FAM222B: variants seen among roughly 807,000 people sequenced by gnomAD.
FAM222B encodes the protein family with sequence similarity 222 member B.
A neutral mutation model predicts 38.0 loss-of-function variants in FAM222B; 12 were observed. The observed-to-expected ratio is 0.32, with a 90% confidence interval of 0.20 to 0.51. The LOEUF (loss-of-function observed/expected upper bound fraction) is 0.51. FAM222B is among the 20% of genes least tolerant of loss of function. FAM222B has a pLI of 0.97. For synonymous variants in FAM222B, 329 were observed against 317.2 expected, an observed-to-expected ratio of 1.04 and a Z score of -0.40; for missense variants, 716 against 754.2, an observed-to-expected ratio of 0.95 and a Z score of 0.59.
At chr17:28,811,616 G>A (rs145030680) in intron 1 of FAM222B, among the ~76,000 whole-genome samples, 2 of 152,286 alleles carry the variant, frequency 1.3e-5, no homozygotes, top group East Asian at 1.9e-4. Context: ...CAACAGCAAG[G>A]TAAGTTTGCC....
intron 1 of FAM222B, among the ~76,000 whole-genome samples, chr17:28,830,503 G>A (rs553798744): frequency 1.1e-4 from 16 of 152,090 alleles, no homozygotes; most frequent in African/African-American, 3.9e-4. Flanking sequence ...CATAATTGGC[G>A]AACATTTCTC....
At chr17:28,810,443 TTTATATACTA>T (rs2037702835) in intron 1 of FAM222B, among the ~76,000 whole-genome samples, 1 of 27,262 alleles carries the variant, frequency 3.7e-5, no homozygotes, top group Non-Finnish European at 6.8e-5. Flanking sequence ...CTAACTCTGT[TTTATATACTA>T]GCTAACTTTG....
At chr17:28,836,023 G>C (rs1358669926) in intron 1 of FAM222B, among the ~76,000 whole-genome samples, 1 of 150,548 alleles carries the variant, frequency 6.6e-6, no homozygotes, top group African/African-American at 2.4e-5. Context: ...TCTCCCTCTT[G>C]TTGTTGCCCG....
chr17:28,817,693 T>C (rs1366331056), intron 1 of FAM222B, among the ~76,000 whole-genome samples: 1 of 152,064 alleles, frequency 6.6e-6, no homozygotes, highest in Non-Finnish European at 1.5e-5. Context: ...CACTCCAGCT[T>C]GGGCAACAAG....
chr17:28,779,473 C>T (rs183746281), intron 1 of FAM222B, among the ~76,000 whole-genome samples: 13 of 152,140 alleles, frequency 8.5e-5, no homozygotes, highest in African/African-American at 3.1e-4. Context: ...TCTGACAGGC[C>T]GGGCGCGGTG....
intron 1 of FAM222B, among the ~76,000 whole-genome samples, chr17:28,773,479 CAAAAAAAAA>C (rs66716142): frequency 4.9e-5 from 3 of 60,788 alleles, no homozygotes; most frequent in African/African-American, 1.4e-4. Context: ...AACTCTGTCT[CAAAAAAAAA>C]AAAAAAAAAA....
chr17:28,817,277 G>T (rs1458740242), intron 1 of FAM222B, among the ~76,000 whole-genome samples: 1 of 151,800 alleles, frequency 6.6e-6, no homozygotes, highest in Non-Finnish European at 1.5e-5. Context: ...GCCGGGCGTG[G>T]TGGCACATGC....
At chr17:28,837,672 G>C (rs779088366) in intron 1 of FAM222B, among the ~76,000 whole-genome samples, 1 of 148,836 alleles carries the variant, frequency 6.7e-6, no homozygotes, top group African/African-American at 2.5e-5. Context: ...TTTTTGAGAC[G>C]GAGTCTCGCT....
chr17:28,790,884 C>CTTTTTTTTTTTTTTT (rs60664262), intron 1 of FAM222B, among the ~76,000 whole-genome samples: 7 of 86,092 alleles, frequency 8.1e-5, no homozygotes, highest in Non-Finnish European at 1.5e-4. Context: ...AATTGTTTCA[C>CTTTTTTTTTTTTTTT]TTTTTTTTTT....
chr17:28,845,873 T>C (rs1321473832), upstream of FAM222B, among the ~76,000 whole-genome samples: 4 of 145,726 alleles, frequency 2.7e-5, no homozygotes, highest in South Asian at 2.2e-4. Context: ...CCAGCCTGGG[T>C]GACAGAGCAA....
intron 1 of FAM222B, among the ~76,000 whole-genome samples, chr17:28,773,107 T>C (rs367816991): frequency 6.6e-6 from 1 of 152,128 alleles, no homozygotes; most frequent in Non-Finnish European, 1.5e-5. Context: ...AAGTCTAGAA[T>C]ACTCTAGAGC....
At chr17:28,794,314 G>GT (rs2036840093) in intron 1 of FAM222B, among the ~76,000 whole-genome samples, 1 of 151,770 alleles carries the variant, frequency 6.6e-6, no homozygotes, top group Non-Finnish European at 1.5e-5. Flanking sequence ...CATCTCCCGG[G>GT]TTCAAGCAAT....
At chr17:28,764,447 T>TAATAA (rs968892959) in intron 2 of FAM222B, among the ~76,000 whole-genome samples, 2 of 145,080 alleles carry the variant, frequency 1.4e-5, no homozygotes, top group African/African-American at 2.6e-5. Flanking sequence ...CTCCTCAAAA[T>TAATAA]AATAAAATAA....
rs2039158325 is a variant in FAM222B at position 28,848,170 on chromosome 17, A to G, written c.-41+6780T>C. On this transcript the variant is annotated intron_variant, in intron 1 of 2. Coordinates refer to the FAM222B transcript ENST00000577513. ...CCCCTTCTGGTATCAACATGACTGC[A>G]GCAGCTCCAGATATTATGTCTTCTT... 1.3e-5 allele frequency among the ~76,000 whole-genome samples: 2 copies of G among 152,122 alleles called. 1 individual carries two copies. Among genetic ancestry groups the G allele is most frequent in the South Asian group, 4.1e-4 (2 of 4,830 alleles).
rs1436715684 is a variant in FAM222B, at chr17:28,761,097, C to T, written c.83-1221G>A. Reference sequence around the variant, plus strand: ...ATTTTCCAAAAAGAAAGAGGAAAAACCTGCCTGCCTTTGGAGACTGCGGAA... The same window carrying T: ...ATTTTCCAAAAAGAAAGAGGAAAAATCTGCCTGCCTTTGGAGACTGCGGAA... On this transcript the variant is annotated intron_variant, in intron 2 of 2. Coordinates refer to ENST00000581407, the MANE Select transcript of FAM222B (RefSeq NM_001077498.3). Among the ~76,000 whole-genome samples the T allele has an allele frequency of 3.9e-5, 6 of 152,308 alleles. No homozygotes were observed. The East Asian group carries it at 1.2e-3, about 29-fold the overall frequency.
intron 1 of FAM222B, among the ~76,000 whole-genome samples, chr17:28,803,387 C>T (rs1296832991): frequency 6.6e-6 from 1 of 152,060 alleles, no homozygotes; most frequent in Non-Finnish European, 1.5e-5. Context: ...CTCACTGCAA[C>T]CTCGAACTCC....
intron 1 of FAM222B, among the ~76,000 whole-genome samples, chr17:28,801,603 C>CTATTAT (rs561441690): frequency 1.3e-5 from 2 of 151,824 alleles, no homozygotes; most frequent in African/African-American, 2.4e-5. Context: ...CAGCACTTTA[C>CTATTAT]TATTATTATT....
At chr17:28,825,415 CAG>C (rs1165842391) in intron 1 of FAM222B, among the ~76,000 whole-genome samples, 2 of 119,192 alleles carry the variant, frequency 1.7e-5, no homozygotes, top group Non-Finnish European at 3.3e-5. Flanking sequence ...ACCTAGGTGA[CAG>C]AGTGAGATCC....
At chr17:28,834,983 C>A (rs961556589) in intron 1 of FAM222B, among the ~76,000 whole-genome samples, 2 of 145,414 alleles carry the variant, frequency 1.4e-5, no homozygotes, top group Non-Finnish European at 3.0e-5. Flanking sequence ...GCCTGCTGAG[C>A]AGCTGGGATT....
Sources: allele counts gnomAD v4.1 joint callset (sites outside exome capture counted in the v4.1 genomes callset), GRCh38; gene constraint gnomAD v4.1.1; transcripts MANE v1.5; gene names NCBI Gene and HGNC (gene_info 2026-07-23, HGNC 2026-07-21).